WNT8A: variants seen among roughly 807,000 people sequenced by gnomAD.
WNT8A encodes the protein protein Wnt-8a.
WNT8A carries 14 observed loss-of-function variants against 20.5 expected under a neutral mutation model. That is an observed-to-expected ratio of 0.68 (90% CI 0.45 to 1.07). The LOEUF is 1.07. Among genes scored for constraint, WNT8A ranks in the 50% least tolerant of loss-of-function variants. WNT8A has a pLI of 0.00. For synonymous variants in WNT8A, 167 were observed against 169.2 expected (o/e 0.99, Z 0.10); for missense variants, 397 against 462.9 (o/e 0.86, Z 1.31).
At chr5:138,083,845 A>G, upstream of WNT8A, 1 of 430,562 alleles carries the variant, frequency 2.3e-6, no homozygotes, top group Non-Finnish European at 4.1e-6. Flanking sequence ...CTGGGAGGGA[A>G]GAAGGGCTGG....
intron 2 of WNT8A, among the ~76,000 whole-genome samples, chr5:138,087,011 A>C (rs1050648417): frequency 1.3e-5 from 2 of 150,974 alleles, no homozygotes; most frequent in African/African-American, 4.9e-5. Flanking sequence ...GCGCTACTGC[A>C]CTCCAGCCTG....
intron 3 of WNT8A, 65 bp from the exon 4 acceptor site, chr5:138,088,862 G>A: frequency 6.3e-7 from 1 of 1,580,354 alleles, no homozygotes; most frequent in Non-Finnish European, 8.6e-7. Context: ...CTTGGGGGTG[G>A]TTTGGCGGGT....
At chr5:138,092,179 A>G (rs575057136), downstream of WNT8A, 8 of 152,362 alleles carry the variant, frequency 5.3e-5, no homozygotes, top group South Asian at 1.4e-3. Flanking sequence ...CCTTAAGATC[A>G]AAAAGGGAAT....
chr5:138,091,601 A>C (rs1750858120), downstream of WNT8A: 11 of 877,014 alleles, frequency 1.3e-5, no homozygotes, highest in South Asian at 1.8e-4. Context: ...TTATCCCCCA[A>C]GTATGCACTT....
chr5:138,086,700 C>T (rs920651857), intron 2 of WNT8A, among the ~76,000 whole-genome samples: 2 of 150,970 alleles, frequency 1.3e-5, no homozygotes, highest in Admixed American at 6.6e-5. Context: ...CCCAGGAGTT[C>T]AAGTCCAGCC....
At chr5:138,086,415 G>A (rs754023997) in intron 2 of WNT8A, among the ~76,000 whole-genome samples, 1 of 151,612 alleles carries the variant, frequency 6.6e-6, no homozygotes, top group Non-Finnish European at 1.5e-5. Context: ...ACAGGGTTTC[G>A]TCATGTTGCC....
In WNT8A at chr5:138,088,921, A is replaced by G; in HGVS notation, c.422-6A>G. ...CACGGAGAACTTATTCTGTCCTTGT[A>G]TATAGGAGGCCATGGCTGGATCTGG... On this transcript the variant is annotated splice_region_variant and splice_polypyrimidine_tract_variant and intron_variant, in intron 3 of 4. Transcript: ENST00000506684. 1.2e-6 allele frequency: 2 copies of G among 1,613,422 alleles called. 1 individual carries two copies. The highest frequency in any genetic ancestry group is 2.2e-5 in the South Asian group (2 of 90,964).
chr5:138,088,808 A>C, intron 3 of WNT8A, 119 bp from the exon 4 acceptor site: 1 of 1,401,734 alleles, frequency 7.1e-7, no homozygotes, highest in Non-Finnish European at 9.6e-7. Context: ...AAGCACCTCC[A>C]TTTCCCTGTC....
chr5:138,090,949 G>A lies in WNT8A; in HGVS notation c.986G>A (p.Ser329Asn). The A allele has an allele frequency of 6.2e-7, 1 of 1,614,208 alleles. No homozygotes were observed. Among genetic ancestry groups the A allele is most frequent in the Non-Finnish European group, 8.5e-7 (1 of 1,180,036 alleles). ...VEERKTEVIS[S>N]CNCKFQWCCT... is the part of the protein sequence containing the mutation. The stretch of plus-strand genomic sequence containing the variant: ...GAGAGGAAAACTGAGGTCATAAGCA[G>A]CTGTAACTGCAAATTCCAGTGGTGC... Residue 329 changes from serine (S) to asparagine (N), a missense_variant, in exon 5 of 5, where the codon AGC becomes AAC. Transcript: ENST00000506684.
At chr5:138,080,441 C>CTTT (rs1554086762), upstream of WNT8A, among the ~76,000 whole-genome samples, 1 of 56,370 alleles carries the variant, frequency 1.8e-5, no homozygotes, top group Admixed American at 2.3e-4. Flanking sequence ...CTCTGTAAAT[C>CTTT]TTGTTTTTTT....
At chr5:138,080,351 A>T (rs1366322830), upstream of WNT8A, among the ~76,000 whole-genome samples, 1 of 150,802 alleles carries the variant, frequency 6.6e-6, no homozygotes, top group East Asian at 1.9e-4. Flanking sequence ...CCGCACACAC[A>T]AACAAAAAAA....
chr5:138,088,229 G>A (rs1205542137), intron 3 of WNT8A, among the ~76,000 whole-genome samples: 2 of 152,136 alleles, frequency 1.3e-5, no homozygotes, highest in Admixed American at 6.6e-5. Flanking sequence ...ATAATCTAGA[G>A]CTACTCAGCA....
intron 3 of WNT8A, among the ~76,000 whole-genome samples, chr5:138,088,307 A>G (rs1009601289): frequency 6.6e-6 from 1 of 151,752 alleles, no homozygotes; most frequent in Non-Finnish European, 1.5e-5. Flanking sequence ...CCTTTACGAG[A>G]TGATTGTAGA....
At chr5:138,085,667 A>T (rs1031914655) in intron 2 of WNT8A, among the ~76,000 whole-genome samples, 1 of 151,986 alleles carries the variant, frequency 6.6e-6, no homozygotes, top group African/African-American at 2.4e-5. Context: ...TGGGCAACAT[A>T]GCAAGACCTC....
intron 4 of WNT8A, among the ~76,000 whole-genome samples, chr5:138,089,438 G>A (rs896361764): frequency 6.6e-6 from 1 of 152,146 alleles, no homozygotes; most frequent in Non-Finnish European, 1.5e-5. Flanking sequence ...TTGTTGTCCA[G>A]CCTTGTGTCC....
upstream of WNT8A, among the ~76,000 whole-genome samples, chr5:138,080,319 CAAA>C (rs1213283315): frequency 1.5e-5 from 1 of 65,562 alleles, no homozygotes. Flanking sequence ...GACTCCTTCT[CAAA>C]AAAAAAAAAA....
At position 138,090,835 on chromosome 5, in the gene WNT8A, G is replaced by A. The variant is rs753201379; in HGVS notation, c.872G>A (p.Arg291His). ...SSLGIYGTEG[R>H]ECLQNSHNTS... ...CTGGGCATCTATGGCACAGAGGGTCGTGAGTGCCTACAGAACAGCCACAAC... is the reference window on the plus strand; with the variant it reads ...CTGGGCATCTATGGCACAGAGGGTCATGAGTGCCTACAGAACAGCCACAAC... The change falls in exon 5 of 5, where the codon CGT (arginine) becomes CAT (histidine). Residue 291 changes from arginine to histidine, a missense_variant. Coordinates refer to ENST00000506684, the MANE Select transcript of WNT8A (RefSeq NM_001300939.2). 43 of 1,614,076 alleles carry A rather than the reference G, an allele frequency of 2.7e-5. No homozygotes were observed. The highest frequency in any genetic ancestry group is 5.0e-5 in the Admixed American group (3 of 60,004).
upstream of WNT8A, among the ~76,000 whole-genome samples, chr5:138,082,439 C>T (rs1306632280): frequency 1.3e-5 from 2 of 152,130 alleles, no homozygotes; most frequent in Non-Finnish European, 2.9e-5. Flanking sequence ...ATTAGCTGGA[C>T]ATGGTGGCAC....
chr5:138,081,326 G>GA (rs1316590051), upstream of WNT8A, among the ~76,000 whole-genome samples: 26 of 151,574 alleles, frequency 1.7e-4, no homozygotes, highest in Middle Eastern at 6.8e-3. Context: ...CTGCTTCCTA[G>GA]AAAAAAAAGA....
Sources: gnomAD v4.1 joint callset for allele counts (sites outside exome capture counted in the v4.1 genomes callset) on GRCh38, gnomAD v4.1.1 for gene constraint, MANE v1.5 for transcripts, NCBI Gene and HGNC (gene_info 2026-07-23, HGNC 2026-07-21) for gene names.